IL21R: variants seen among roughly 807,000 people sequenced by gnomAD.
IL21R encodes the protein interleukin-21 receptor.
A neutral mutation model predicts 41.3 loss-of-function variants in IL21R; 14 were observed. The observed-to-expected ratio is 0.34, with a 90% CI of 0.22 to 0.53. The LOEUF (loss-of-function observed/expected upper bound fraction) is 0.53. Among genes scored for constraint, IL21R ranks in the 20% least tolerant of loss-of-function variants. The pLI is 0.94. For synonymous variants in IL21R, 286 were observed against 287.6 expected, an observed-to-expected ratio of 0.99 and a Z score of 0.05; for missense variants, 588 against 681.6, an observed-to-expected ratio of 0.86 and a Z score of 1.53.
At position 27,443,362 on chromosome 16, in the gene IL21R, T is replaced by C. The variant is rs3093364; in HGVS notation, c.507+246T>C. On this transcript the variant is annotated intron_variant, in intron 5 of 8. Coordinates refer to ENST00000337929, the MANE Select transcript of IL21R (RefSeq NM_181078.3). ...GGCGGTCAGCATGCCAAAGAGACTG[T>C]CCCTTCCCCAGACTCCACCCCAGGT... is the stretch of plus-strand genomic sequence containing the variant. Among the ~76,000 whole-genome samples, 19,876 of 152,054 alleles carry C rather than the reference T, an allele frequency of 0.13. 1,745 individuals carry two copies. Among genetic ancestry groups the C allele is most frequent in the African/African-American group, 0.24 (9,912 of 41,446 alleles).
chr16:27,443,738 G>GCA (rs1242486191), intron 5 of IL21R, among the ~76,000 whole-genome samples: 4 of 150,832 alleles, frequency 2.7e-5, no homozygotes, highest in Admixed American at 1.3e-4. Flanking sequence ...AGCTGGGATC[G>GCA]CGCTACTGCA....
At chr16:27,409,048 G>T (rs2086788511) in intron 1 of IL21R, among the ~76,000 whole-genome samples, 1 of 151,996 alleles carries the variant, frequency 6.6e-6, no homozygotes, top group Admixed American at 6.6e-5. Context: ...CTCAGCAGAA[G>T]TTTTCCAAAG....
chr16:27,447,743 A>G (rs1365153698), intron 8 of IL21R: 2 of 152,264 alleles, frequency 1.3e-5, no homozygotes, highest in Non-Finnish European at 2.9e-5. Flanking sequence ...AGAAGAGACA[A>G]GACTTATGTC....
At chr16:27,427,921 G>A (rs1268110920) in intron 1 of IL21R, among the ~76,000 whole-genome samples, 1 of 152,204 alleles carries the variant, frequency 6.6e-6, no homozygotes, top group African/African-American at 2.4e-5. Context: ...GAGTAGTGAT[G>A]TTATTGCTTA....
At chr16:27,430,683 C>T (rs567773554) in intron 2 of IL21R, among the ~76,000 whole-genome samples, 151 of 152,162 alleles carry the variant, frequency 9.9e-4, no homozygotes, top group Non-Finnish European at 1.7e-3. Context: ...GGCATAGGAG[C>T]GCATGCTTGT....
chr16:27,425,235 T>C (rs2087056831), intron 1 of IL21R, among the ~76,000 whole-genome samples: 1 of 152,152 alleles, frequency 6.6e-6, no homozygotes, highest in Non-Finnish European at 1.5e-5. Context: ...TATCTGAGGA[T>C]AAGGTGCTGT....
In IL21R at chr16:27,448,707, C is replaced by T. The variant is rs1332803898; in HGVS notation, c.1041C>T (p.Pro347=). 1 of 1,613,284 alleles carries T rather than the reference C, an allele frequency of 6.2e-7. No homozygotes were observed. Among genetic ancestry groups the T allele is most frequent in the South Asian group, 1.1e-5 (1 of 91,080 alleles). Residue 347 remains proline, a synonymous_variant, in exon 9 of 9, where the codon CCC becomes CCT. Transcript: ENST00000337929. Reference sequence around the variant, plus strand: ...AGCTGGTGGAGTCTGACGGTGTGCCCAAGCCCAGCTTCTGGCCGACAGCCC... The same window carrying T: ...AGCTGGTGGAGTCTGACGGTGTGCCTAAGCCCAGCTTCTGGCCGACAGCCC... ...PAELVESDGV[P]KPSFWPTAQN...
chr16:27,426,100 A>G (rs1036264459), intron 1 of IL21R, among the ~76,000 whole-genome samples: 5 of 152,190 alleles, frequency 3.3e-5, no homozygotes, highest in Admixed American at 6.5e-5. Context: ...TAATTCTCCC[A>G]AAGACCTATG....
intron 1 of IL21R, among the ~76,000 whole-genome samples, chr16:27,426,753 A>T (rs2087084529): frequency 6.6e-6 from 1 of 152,272 alleles, no homozygotes; most frequent in African/African-American, 2.4e-5. Context: ...TTCAGAGAAT[A>T]AAAGAGCCAG....
Position 27,449,959 on chromosome 16 carries a change from G to C in IL21R, c.*676G>C, listed in dbSNP as rs2141322109. Reference sequence around the variant, plus strand: ...CAAGTCGCCTCCCCTCTCTGGGCTAGAGTTTCCTTATCCAGACAGTGGGGA... The same window carrying C: ...CAAGTCGCCTCCCCTCTCTGGGCTACAGTTTCCTTATCCAGACAGTGGGGA... On this transcript the variant is annotated 3_prime_UTR_variant, in exon 9 of 9. Transcript: ENST00000337929. The C allele has an allele frequency of 4.3e-6, 1 of 233,486 alleles. No individual in the cohort carries two copies. The highest frequency in any genetic ancestry group is 2.2e-5 in the African/African-American group (1 of 45,454). 14.5% of individuals were successfully genotyped at this position (233,486 alleles called of 1,614,324 possible). A position where few individuals can be genotyped will look rare whatever the true frequency, so the allele number is the denominator to read the frequency against.
At chr16:27,418,581 A>G (rs1466842564) in intron 1 of IL21R, among the ~76,000 whole-genome samples, 1 of 152,050 alleles carries the variant, frequency 6.6e-6, no homozygotes. Context: ...CATGTTAGCC[A>G]GGATAGTCTT....
At position 27,449,454 on chromosome 16, in the gene IL21R, A is replaced by AT. The variant is rs1208501491; in HGVS notation, c.*172dup. 3 of 650,824 alleles carry AT rather than the reference A, an allele frequency of 4.6e-6. No homozygotes were observed. In the African/African-American group the frequency reaches 6.0e-5, roughly 13 times the overall value. 40.3% of individuals were successfully genotyped at this position (650,824 alleles called of 1,614,324 possible). A position where few individuals can be genotyped will look rare whatever the true frequency, so the allele number is the denominator to read the frequency against. On this transcript the variant is annotated 3_prime_UTR_variant, in exon 9 of 9. Coordinates refer to ENST00000337929, the MANE Select transcript of IL21R (RefSeq NM_181078.3). ...TGTGTGCATATGTGTGTGTGTGCAT[A>AT]TGCATGTGTGTGTGTGTGTGTGTCT...
intron 1 of IL21R, among the ~76,000 whole-genome samples, chr16:27,405,700 C>T (rs1476190776): frequency 6.6e-6 from 1 of 152,194 alleles, no homozygotes; most frequent in Non-Finnish European, 1.5e-5. Flanking sequence ...AACCCACCCC[C>T]ACCCCTGGCT....
Position 27,448,819 on chromosome 16 carries a change from G to A in IL21R, c.1153G>A (p.Glu385Lys), listed in dbSNP as rs1055246812. ...TGACACAGTGACTGTGCTAGATGCA[G>A]AGGGGCCATGCACCTGGCCCTGCAG... ...SIDTVTVLDAEGPCTWPCSCE... is the reference protein window; with the variant it reads ...SIDTVTVLDAKGPCTWPCSCE... The change falls in exon 9 of 9, where the codon GAG (glutamate) becomes AAG (lysine). Residue 385 changes from glutamate to lysine, a missense_variant. Transcript: ENST00000337929. 6.2e-6 allele frequency: 10 copies of A among 1,613,252 alleles called. No individual in the cohort carries two copies. In the Admixed American group the frequency reaches 1.3e-4, roughly 22 times the overall value.
At chr16:27,445,865 G>A in intron 7 of IL21R, 142 bp from the exon 8 acceptor site, 1 of 548,820 alleles carries the variant, frequency 1.8e-6, no homozygotes, top group Admixed American at 3.6e-5. Context: ...GGGAAACCAA[G>A]CCCCAGGGAA....
chr16:27,429,243 C>A (rs1483193527), intron 1 of IL21R, among the ~76,000 whole-genome samples: 2 of 148,352 alleles, frequency 1.3e-5, no homozygotes, highest in African/African-American at 2.5e-5. Context: ...CATAAAAAAG[C>A]CAATTTACTG....
intron 3 of IL21R, among the ~76,000 whole-genome samples, chr16:27,435,255 AAAAAC>A (rs368817590): frequency 2.6e-5 from 4 of 151,922 alleles, no homozygotes; most frequent in Admixed American, 6.6e-5. Context: ...ATCCCAACTC[AAAAAC>A]AAAACAAAAC....
At chr16:27,411,137 C>G (rs2086815638) in intron 1 of IL21R, among the ~76,000 whole-genome samples, 1 of 152,134 alleles carries the variant, frequency 6.6e-6, no homozygotes, top group African/African-American at 2.4e-5. Context: ...GTGCAAATAT[C>G]TCTTTGAGAT....
chr16:27,416,890 C>T (rs1178531438), intron 1 of IL21R, among the ~76,000 whole-genome samples: 1 of 152,152 alleles, frequency 6.6e-6, no homozygotes, highest in Non-Finnish European at 1.5e-5. Context: ...CCTTTTGTGT[C>T]TGGTGTCTTT....
Sources: allele counts gnomAD v4.1 joint callset (sites outside exome capture counted in the v4.1 genomes callset), GRCh38; gene constraint gnomAD v4.1.1; transcripts MANE v1.5; gene names NCBI Gene and HGNC (gene_info 2026-07-23, HGNC 2026-07-21).